Variants in RUNX1 observed in about 807,000 individuals in gnomAD.
The protein encoded by RUNX1 is runt-related transcription factor 1.
RUNX1 carries 19 observed loss-of-function variants against 42.8 expected under a neutral mutation model. The observed-to-expected ratio is 0.44, with a 90% CI of 0.31 to 0.65. The LOEUF (loss-of-function observed/expected upper bound fraction) is 0.65, where lower values mean the gene tolerates loss of function less well. RUNX1 is among the 30% of genes least tolerant of loss of function. RUNX1 has a pLI of 0.07. For missense variants in RUNX1, 528 were observed against 672.0 expected (o/e 0.79, Z 2.37); for synonymous variants, 271 against 289.4 (o/e 0.94, Z 0.64).
At chr21:34,851,545 T>C (rs1373802405) in intron 6 of RUNX1, among the ~76,000 whole-genome samples, 4 of 152,228 alleles carry the variant, frequency 2.6e-5, no homozygotes, top group Non-Finnish European at 5.9e-5. Context: ...GAAAACTTTT[T>C]ACATGTTTGA....
intron 2 of RUNX1, among the ~76,000 whole-genome samples, chr21:35,026,756 A>G (rs1399684619): frequency 2.0e-5 from 3 of 152,206 alleles, no homozygotes; most frequent in Non-Finnish European, 4.4e-5. Context: ...GAAGTAACTG[A>G]AAGAGCGACG....
At chr21:35,031,838 AC>A (rs1262632540) in intron 2 of RUNX1, among the ~76,000 whole-genome samples, 1 of 152,256 alleles carries the variant, frequency 6.6e-6, no homozygotes, top group Non-Finnish European at 1.5e-5. Context: ...AAAAGACTGT[AC>A]ATTAAAGGTA....
rs1201967089 is a variant in RUNX1 at position 34,901,799 on chromosome 21, C to T, written c.59-8836G>A. On this transcript the variant is annotated intron_variant, in intron 2 of 8. Coordinates refer to ENST00000675419, the MANE Select transcript of RUNX1 (RefSeq NM_001754.5). This position sits in a 1 kb window ranked among gnomAD's most constrained non-coding sequence, Gnocchi z 4.3. ...ATTGTGAGAAAGTATCCAAGTGGAGCATCTGAAAATTGCGCTCCAGGGAGG... is the reference window on the plus strand; with the variant it reads ...ATTGTGAGAAAGTATCCAAGTGGAGTATCTGAAAATTGCGCTCCAGGGAGG... 2.0e-5 allele frequency among the ~76,000 whole-genome samples: 3 copies of T among 152,156 alleles called. No individual in the cohort carries two copies. The highest frequency in any genetic ancestry group is 4.4e-5 in the Non-Finnish European group (3 of 68,024).
At chr21:34,894,053 G>A (rs1334864207) in intron 2 of RUNX1, among the ~76,000 whole-genome samples, 1 of 152,124 alleles carries the variant, frequency 6.6e-6, no homozygotes, top group African/African-American at 2.4e-5. Context: ...TCTTTTTAAA[G>A]AGCAAGGCAG....
chr21:35,038,609 C>CTGTGTGTG (rs1378631914), intron 2 of RUNX1: 31 of 309,212 alleles, frequency 1.0e-4, no homozygotes, highest in African/African-American at 3.5e-4. Context: ...CTCTCTCTCT[C>CTGTGTGTG]TCTCTGTGTG....
intron 5 of RUNX1, among the ~76,000 whole-genome samples, chr21:34,875,556 T>C (rs2057802175): frequency 1.3e-5 from 2 of 152,238 alleles, no homozygotes; most frequent in East Asian, 1.9e-4. Flanking sequence ...CTTTTCCTTA[T>C]ATTCTCTCCA....
intron 2 of RUNX1, among the ~76,000 whole-genome samples, chr21:34,975,821 GA>G (rs2058797611): frequency 6.8e-6 from 1 of 146,658 alleles, no homozygotes; most frequent in Non-Finnish European, 1.5e-5. Flanking sequence ...AATAGTTTTG[GA>G]GGGGAGACAG....
intron 2 of RUNX1, among the ~76,000 whole-genome samples, chr21:35,019,239 T>C (rs1162844363): frequency 6.6e-6 from 1 of 152,240 alleles, no homozygotes; most frequent in Non-Finnish European, 1.5e-5. Context: ...TTCTCCTGGA[T>C]ACCTTTCCCT....
Position 34,791,908 on chromosome 21 carries a change from C to T in RUNX1, c.*227G>A. On this transcript the variant is annotated 3_prime_UTR_variant, in exon 9 of 9. Transcript: ENST00000675419. The stretch of plus-strand genomic sequence containing the variant: ...CGAGGTGCGTCGCCTCGGACACCTC[C>T]GCGAGGGCCGGGGCGCCAGCAGACG... 3.4e-6 allele frequency: 1 copy of T among 295,380 alleles called. No homozygotes were observed. Among genetic ancestry groups the T allele is most frequent in the Non-Finnish European group, 6.4e-6 (1 of 155,378 alleles). The allele number at this position is 295,380 out of a possible 1,614,324, so 18.3% of individuals were successfully genotyped here.
At chr21:34,967,500 G>C (rs1601618279) in intron 2 of RUNX1, among the ~76,000 whole-genome samples, 2 of 151,764 alleles carry the variant, frequency 1.3e-5, no homozygotes, top group Middle Eastern at 6.8e-3. Context: ...CAGGATCTCA[G>C]TGTTGTCTCA....
chr21:34,930,196 ATT>A (rs1221193468), intron 2 of RUNX1, among the ~76,000 whole-genome samples: 1 of 145,522 alleles, frequency 6.9e-6, no homozygotes, highest in Non-Finnish European at 1.5e-5. Flanking sequence ...ATACATATAT[ATT>A]ATATATACAT....
At chr21:34,871,718 C>A (rs2057740156) in intron 5 of RUNX1, among the ~76,000 whole-genome samples, 1 of 152,216 alleles carries the variant, frequency 6.6e-6, no homozygotes, top group Non-Finnish European at 1.5e-5. Flanking sequence ...GGCAAACCCA[C>A]AAACCTTGGT....
chr21:34,893,084 AG>A, intron 2 of RUNX1, 121 bp from the exon 3 acceptor site: 9 of 675,744 alleles, frequency 1.3e-5, no homozygotes, highest in Non-Finnish European at 2.4e-5. Context: ...AGATTTTTAT[AG>A]CTTTGACACA....
At chr21:34,850,504 C>T (rs1257435372) in intron 6 of RUNX1, among the ~76,000 whole-genome samples, 1 of 152,202 alleles carries the variant, frequency 6.6e-6, no homozygotes, top group Non-Finnish European at 1.5e-5. Flanking sequence ...TTACACGTCA[C>T]GTTTCTAGGA....
At chr21:34,821,624 A>T in intron 7 of RUNX1, 1 of 1,557,686 alleles carries the variant, frequency 6.4e-7, no homozygotes, top group Non-Finnish European at 8.7e-7. Flanking sequence ...AGATAGCTCT[A>T]TCCTGGCTGG....
At chr21:34,970,042 T>C (rs991530156) in intron 2 of RUNX1, among the ~76,000 whole-genome samples, 30 of 152,236 alleles carry the variant, frequency 2.0e-4, no homozygotes, top group African/African-American at 7.0e-4. Context: ...CTCCAAGCTA[T>C]GGCTTGCCTC....
chr21:35,040,129 G>A (rs1455329431), intron 2 of RUNX1, among the ~76,000 whole-genome samples: 2 of 152,156 alleles, frequency 1.3e-5, no homozygotes, highest in East Asian at 1.9e-4. Context: ...TTCAAAGTGG[G>A]TGAATGTCAA....
intron 2 of RUNX1, among the ~76,000 whole-genome samples, chr21:35,031,483 T>C (rs1158699538): frequency 6.6e-6 from 1 of 152,022 alleles, no homozygotes; most frequent in African/African-American, 2.4e-5. Flanking sequence ...TAGACTACCC[T>C]ATGATCCAGA....
chr21:34,877,633 C>A (rs910954633), intron 5 of RUNX1, among the ~76,000 whole-genome samples: 1 of 152,184 alleles, frequency 6.6e-6, no homozygotes, highest in African/African-American at 2.4e-5. Flanking sequence ...TTCTACAGGG[C>A]CAGTGTAGCC....
Sources: gnomAD v4.1 joint callset for allele counts (sites outside exome capture counted in the v4.1 genomes callset) on GRCh38, gnomAD v4.1.1 for gene constraint, Gnocchi (gnomAD v3.1) non-coding constraint, MANE v1.5 for transcripts, NCBI Gene and HGNC (gene_info 2026-07-23, HGNC 2026-07-21) for gene names.